The following CD2AP variants were observed in gnomAD, a reference collection of about 807,000 sequenced individuals.
CD2AP encodes CD2 associated protein, also known as CD2-associated protein.
Under a neutral mutation model 85.1 loss-of-function variants are expected in CD2AP, and 46 were observed. The ratio of observed to expected loss-of-function variants is 0.54; its 90% CI spans 0.43 to 0.69. CD2AP has a LOEUF of 0.69. CD2AP is among the 30% of genes least tolerant of loss of function. CD2AP has a pLI of 0.00. For synonymous variants in CD2AP, 255 were observed against 252.9 expected (o/e 1.01, Z -0.08); for missense variants, 769 against 729.5 (o/e 1.05, Z -0.62).
intron 1 of CD2AP, among the ~76,000 whole-genome samples, chr6:47,486,091 T>A (rs1259415124): frequency 1.3e-5 from 2 of 152,200 alleles, no homozygotes; most frequent in African/African-American, 4.8e-5. Context: ...GGTCACATCA[T>A]CAAGCAAAGA....
chr6:47,531,165 A>AT (rs1378206256), intron 2 of CD2AP, among the ~76,000 whole-genome samples: 1 of 152,000 alleles, frequency 6.6e-6, no homozygotes, highest in African/African-American at 2.4e-5. Flanking sequence ...AAGAATTCTC[A>AT]TTTTCAATTG....
chr6:47,515,822 C>T (rs1217274730), intron 2 of CD2AP, among the ~76,000 whole-genome samples: 1 of 151,642 alleles, frequency 6.6e-6, no homozygotes, highest in South Asian at 2.1e-4. Flanking sequence ...CAAACTGTTT[C>T]TCAAATTGCA....
intron 5 of CD2AP, among the ~76,000 whole-genome samples, chr6:47,569,775 G>A (rs951990197): frequency 1.3e-5 from 2 of 152,214 alleles, no homozygotes; most frequent in Admixed American, 6.5e-5. Context: ...AAATTTGTTA[G>A]TCTGCAGGCT....
chr6:47,610,221 T>C (rs1003107340), intron 16 of CD2AP, among the ~76,000 whole-genome samples: 1 of 152,170 alleles, frequency 6.6e-6, no homozygotes, highest in African/African-American at 2.4e-5. Context: ...GGTTTAGAGA[T>C]GTTTTCTATA....
At chr6:47,617,533 CCTGTTGCTGTTGATAATTT>C (rs1769624483) in intron 17 of CD2AP, among the ~76,000 whole-genome samples, 1 of 152,122 alleles carries the variant, frequency 6.6e-6, no homozygotes, top group South Asian at 2.1e-4. Flanking sequence ...CTTTTGATTT[CCTGTTGCTGTTGATAATTT>C]CTGTTGCCCA....
intron 6 of CD2AP, among the ~76,000 whole-genome samples, 174 bp downstream of exon 6, chr6:47,574,425 A>G (rs1768247072): frequency 6.6e-6 from 1 of 152,058 alleles, no homozygotes; most frequent in East Asian, 1.9e-4. Flanking sequence ...AATGATTAAT[A>G]TTCATGTTTG....
intron 2 of CD2AP, among the ~76,000 whole-genome samples, chr6:47,513,057 G>A (rs1045086689): frequency 3.3e-5 from 5 of 152,014 alleles, no homozygotes; most frequent in African/African-American, 1.2e-4. Flanking sequence ...TTATTTTCTA[G>A]GTAAGAAGAG....
chr6:47,589,686 G>A lies in CD2AP; in HGVS notation c.1109-6175G>A, dbSNP rs866427574. Among the ~76,000 whole-genome samples the A allele has an allele frequency of 9.9e-5, 15 of 151,798 alleles. 1 individual carries two copies. The Middle Eastern group carries it at 0.034, about 344-fold the overall frequency. On this transcript the variant is annotated intron_variant, in intron 11 of 17. Transcript: ENST00000359314. The stretch of plus-strand genomic sequence containing the variant: ...GAGCCCAGTAAAGTCTGGCATTGGG[G>A]CTCATATTTCCTGTTGGAGCATTTG...
In CD2AP at chr6:47,511,886, G is replaced by GGT. The variant is rs1562010046; in HGVS notation, c.165+8447_165+8448insTG. The stretch of plus-strand genomic sequence containing the variant: ...TACTAAAATACAAAAAATTGGCCGG[G>GGT]GGTGGCTCACACTTGTAATCCCAGC... On this transcript the variant is annotated intron_variant, in intron 2 of 17. Transcript: ENST00000359314. Among the ~76,000 whole-genome samples, 10 of 151,692 alleles carry GGT rather than the reference G, an allele frequency of 6.6e-5. No individual in the cohort carries two copies. In the Middle Eastern group the frequency reaches 0.021, roughly 312 times the overall value.
intron 2 of CD2AP, 47 bp downstream of exon 2, chr6:47,503,487 A>G: frequency 6.8e-7 from 1 of 1,462,382 alleles, no homozygotes; most frequent in East Asian, 2.3e-5. Context: ...ATAGGATTTA[A>G]TCTTTAAATG....
At chr6:47,503,826 A>G (rs183759634) in intron 2 of CD2AP, among the ~76,000 whole-genome samples, 228 of 152,298 alleles carry the variant, frequency 1.5e-3, no homozygotes, top group African/African-American at 5.2e-3. Flanking sequence ...CCCCATTTTA[A>G]ATATCTTGAT....
chr6:47,570,841 C>T (rs1241600650), intron 5 of CD2AP, among the ~76,000 whole-genome samples: 2 of 152,296 alleles, frequency 1.3e-5, no homozygotes, highest in South Asian at 2.1e-4. Flanking sequence ...CTATACCATG[C>T]TGCCTTGCAA....
intron 2 of CD2AP, among the ~76,000 whole-genome samples, chr6:47,528,954 C>G (rs1369482160): frequency 1.3e-5 from 2 of 152,098 alleles, no homozygotes; most frequent in African/African-American, 4.8e-5. Flanking sequence ...GGCTTATCTT[C>G]TCACTCTCTT....
intron 3 of CD2AP, 72 bp from the exon 4 acceptor site, chr6:47,544,534 A>T (rs1767315778): frequency 1.1e-6 from 1 of 944,058 alleles, no homozygotes; most frequent in Non-Finnish European, 1.7e-6. Flanking sequence ...GTGACTAAAC[A>T]TGGCATGTAA....
At chr6:47,502,936 A>G (rs573326328) in intron 1 of CD2AP, among the ~76,000 whole-genome samples, 4 of 152,238 alleles carry the variant, frequency 2.6e-5, no homozygotes, top group African/African-American at 9.6e-5. Context: ...AGAGAATTAC[A>G]TAAGGACATG....
chr6:47,555,705 A>G lies in CD2AP; in HGVS notation c.541+939A>G, dbSNP rs1364726420. ...TATATGTTTTAATCTATCTTTACATACAAGATCATACTAAGGTGTTAGTCT... is the reference window on the plus strand; with the variant it reads ...TATATGTTTTAATCTATCTTTACATGCAAGATCATACTAAGGTGTTAGTCT... On this transcript the variant is annotated intron_variant, in intron 5 of 17. Transcript: ENST00000359314. Among the ~76,000 whole-genome samples the G allele has an allele frequency of 2.6e-5, 4 of 152,336 alleles. No homozygotes were observed. The East Asian group carries it at 7.7e-4, about 29-fold the overall frequency.
chr6:47,612,438 G>A (rs562597916), intron 16 of CD2AP, 35 bp from the exon 17 acceptor site: 146 of 1,410,256 alleles, frequency 1.0e-4, no homozygotes, highest in South Asian at 9.3e-4. Flanking sequence ...TTATTTAATC[G>A]AAAGACTTAA....
intron 5 of CD2AP, among the ~76,000 whole-genome samples, chr6:47,564,313 G>A (rs1198056538): frequency 6.6e-6 from 1 of 151,670 alleles, no homozygotes; most frequent in Non-Finnish European, 1.5e-5. Flanking sequence ...GTAAATTAAA[G>A]CATATGAGTG....
chr6:47,521,501 G>A (rs887550380), intron 2 of CD2AP, among the ~76,000 whole-genome samples: 5 of 152,008 alleles, frequency 3.3e-5, no homozygotes, highest in Non-Finnish European at 7.4e-5. Context: ...GCAGTGAGCC[G>A]AAATCGCACC....
Sources: allele counts gnomAD v4.1 joint callset (sites outside exome capture counted in the v4.1 genomes callset), GRCh38; gene constraint gnomAD v4.1.1; transcripts MANE v1.5; gene names NCBI Gene and HGNC (gene_info 2026-07-23, HGNC 2026-07-21).